Variants in CEMIP2 observed in about 807,000 individuals in gnomAD.
CEMIP2 encodes the protein cell surface hyaluronidase CEMIP2.
A neutral mutation model predicts 146.9 loss-of-function variants in CEMIP2; 79 were observed. The ratio of observed to expected loss-of-function variants is 0.54; its 90% CI spans 0.45 to 0.65. CEMIP2 has a LOEUF of 0.65. CEMIP2 is among the 30% of genes least tolerant of loss of function. The pLI, the probability that CEMIP2 is intolerant of heterozygous loss-of-function variation, is 0.00. For synonymous variants in CEMIP2, 601 were observed against 606.3 expected, an observed-to-expected ratio of 0.99 and a Z score of 0.13; for missense variants, 1,596 against 1,696.2, an observed-to-expected ratio of 0.94 and a Z score of 1.04.
Position 71,731,398 on chromosome 9 carries a change from C to T in CEMIP2, c.1564-484G>A, listed in dbSNP as rs867966708. On this transcript the variant is annotated intron_variant, in intron 7 of 23. Transcript: ENST00000377044. The stretch of plus-strand genomic sequence containing the variant: ...TATATTTAAACACTAGATTTTCAAT[C>T]GTATTACTAACAACAAGGGAATAGT... 2.4e-4 allele frequency among the ~76,000 whole-genome samples: 36 copies of T among 152,276 alleles called. 1 individual carries two copies. The Middle Eastern group carries it at 0.014, about 58-fold the overall frequency.
intron 1 of CEMIP2, among the ~76,000 whole-genome samples, chr9:71,758,954 T>C (rs1481426549): frequency 6.6e-6 from 1 of 152,142 alleles, no homozygotes; most frequent in Non-Finnish European, 1.5e-5. Context: ...TCAGTATGAG[T>C]CACAATCACC....
intron 10 of CEMIP2, among the ~76,000 whole-genome samples, chr9:71,728,050 G>C (rs1464991225): frequency 6.6e-6 from 1 of 151,054 alleles, no homozygotes; most frequent in Non-Finnish European, 1.5e-5. Context: ...GACAGAGCGA[G>C]ACTTCACCTC....
chr9:71,732,288 G>A (rs551760193), intron 7 of CEMIP2, 63 bp downstream of exon 7: 2 of 1,476,016 alleles, frequency 1.4e-6, no homozygotes, highest in Admixed American at 2.4e-5. Flanking sequence ...AAACTTGACA[G>A]TTTCTTCAAA....
intron 1 of CEMIP2, among the ~76,000 whole-genome samples, chr9:71,764,950 A>G (rs1249877753): frequency 6.7e-6 from 1 of 149,312 alleles, no homozygotes; most frequent in Non-Finnish European, 1.5e-5. Flanking sequence ...CATATTCATC[A>G]TATTGAGAGA....
rs1416668894 is a variant in CEMIP2 at position 71,691,446 on chromosome 9, G to A, written c.3697-1200C>T. On this transcript the variant is annotated intron_variant, in intron 21 of 23. Transcript: ENST00000377044. ...AAAAAAAAAATAAATAAATAAAAAA[G>A]CCCTTTAGCTAATTGCACCAATCCA... Among the ~76,000 whole-genome samples the A allele has an allele frequency of 1.9e-3, 245 of 127,112 alleles. 11 individuals carry two copies. The highest frequency in any genetic ancestry group is 4.2e-3 in the East Asian group (16 of 3,780). The allele number at this position is 127,112 out of a possible 152,430, so 83.4% of individuals were successfully genotyped here. A position where few individuals can be genotyped will look rare whatever the true frequency, so the allele number is the denominator to read the frequency against.
In CEMIP2 at chr9:71,712,227, A is replaced by G. The variant is rs773066921; in HGVS notation, c.2625T>C (p.Asp875=). ...TFPIRGFQIY[D]GPIHLTRSTF... ...TGCTCCTTGTGAGATGAATGGGCCC[A>G]TCATAAATCTGAAAGCCTCTAATTG... The change falls in exon 16 of 24, where the codon GAT becomes GAC. Residue 875 remains aspartate (D), a synonymous_variant. Transcript: ENST00000377044. The G allele has an allele frequency of 6.2e-7, 1 of 1,614,208 alleles. No individual in the cohort carries two copies. The highest frequency in any genetic ancestry group is 1.1e-5 in the South Asian group (1 of 91,080).
chr9:71,728,300 TAC>T (rs1288326038), intron 10 of CEMIP2, among the ~76,000 whole-genome samples: 5,251 of 37,390 alleles, frequency 0.14, 1,693 homozygotes, highest in Admixed American at 0.18. Flanking sequence ...TATATATATA[TAC>T]ATATATATAT....
intron 1 of CEMIP2, among the ~76,000 whole-genome samples, chr9:71,759,950 TGCG>T: frequency 6.6e-6 from 1 of 151,772 alleles, no homozygotes; most frequent in Admixed American, 6.6e-5. Flanking sequence ...AGCCATATAT[TGCG>T]GTGAAGTATT....
chr9:71,683,995 C>T lies in CEMIP2; in HGVS notation c.*1202G>A, dbSNP rs1006924368. Reference sequence around the variant, plus strand: ...CTGTGGAGCCAGTTGCCTCTTGCCGCATGTGATTCACCAGCAGGAGACGCA... The same window carrying T: ...CTGTGGAGCCAGTTGCCTCTTGCCGTATGTGATTCACCAGCAGGAGACGCA... On this transcript the variant is annotated 3_prime_UTR_variant, in exon 24 of 24. Coordinates refer to ENST00000377044, the MANE Select transcript of CEMIP2 (RefSeq NM_013390.3). The T allele has an allele frequency of 1.3e-5, 2 of 152,190 alleles. No homozygotes were observed. The highest frequency in any genetic ancestry group is 2.4e-5 in the African/African-American group (1 of 41,430). The allele number at this position is 152,190 out of a possible 1,614,324, so 9.4% of individuals were successfully genotyped here.
At chr9:71,765,410 G>T (rs1260025534) in intron 1 of CEMIP2, among the ~76,000 whole-genome samples, 1 of 152,072 alleles carries the variant, frequency 6.6e-6, no homozygotes, top group Non-Finnish European at 1.5e-5. Context: ...TTCCCATAAA[G>T]CATTTTAAAA....
intron 8 of CEMIP2, among the ~76,000 whole-genome samples, 181 bp from the exon 9 acceptor site, chr9:71,730,434 C>T (rs977366581): frequency 6.6e-6 from 1 of 151,098 alleles, no homozygotes; most frequent in African/African-American, 2.4e-5. Context: ...TGCTTGGGTC[C>T]CACAGGGGAA....
chr9:71,704,254 T>C (rs1228186165), intron 18 of CEMIP2, among the ~76,000 whole-genome samples: 1 of 152,160 alleles, frequency 6.6e-6, no homozygotes, highest in African/African-American at 2.4e-5. Context: ...ATCTTTTAAT[T>C]TTTCAGGTAA....
intron 6 of CEMIP2, among the ~76,000 whole-genome samples, 164 bp from the exon 7 acceptor site, chr9:71,732,684 GAATTTTTTTTTTTTTT>G: frequency 7.5e-6 from 1 of 133,080 alleles, no homozygotes; most frequent in Non-Finnish European, 1.5e-5. Flanking sequence ...AGGACACGGG[GAATTTTTTTTTTTTTT>G]TTTTTTTTTT....
At position 71,746,208 on chromosome 9, in the gene CEMIP2, C is replaced by T; in HGVS notation, c.465G>A (p.Gln155=). ...GCAGGAACCATTACCTACCTCCATC[C>T]TGAATGACTATAGAATGCACGGTGG... ...SDATVHSIVI[Q]DGGLLVFGDN... Residue 155 remains glutamine (Q), a synonymous_variant, in exon 3 of 24, where the codon CAG becomes CAA. Transcript: ENST00000377044. The T allele has an allele frequency of 1.2e-6, 2 of 1,613,492 alleles. No individual in the cohort carries two copies. Among genetic ancestry groups the T allele is most frequent in the Non-Finnish European group, 1.7e-6 (2 of 1,179,640 alleles).
intron 18 of CEMIP2, among the ~76,000 whole-genome samples, chr9:71,701,111 T>C (rs904810606): frequency 2.6e-5 from 4 of 152,206 alleles, no homozygotes; most frequent in Non-Finnish European, 5.9e-5. Context: ...GTTTTTTTGT[T>C]GTTGTTGTTT....
chr9:71,765,859 T>C (rs1824774463), intron 1 of CEMIP2, among the ~76,000 whole-genome samples: 1 of 152,098 alleles, frequency 6.6e-6, no homozygotes, highest in Non-Finnish European at 1.5e-5. Context: ...CCAACATGAA[T>C]GCTCCACAAA....
intron 17 of CEMIP2, among the ~76,000 whole-genome samples, chr9:71,706,190 T>C (rs750921391): frequency 6.6e-5 from 10 of 150,556 alleles, no homozygotes; most frequent in Non-Finnish European, 1.3e-4. Context: ...GATAGCACTA[T>C]TGCACTCCAG....
intron 22 of CEMIP2, 87 bp downstream of exon 22, chr9:71,690,005 A>T (rs1822178210): frequency 4.6e-6 from 7 of 1,516,864 alleles, no homozygotes; most frequent in African/African-American, 1.4e-5. Flanking sequence ...AGAGAGTAAA[A>T]AATCGGACTT....
chr9:71,694,559 G>A lies in CEMIP2; in HGVS notation c.3646C>T (p.Gln1216Ter), dbSNP rs1822338388. 6.2e-7 allele frequency: 1 copy of A among 1,613,818 alleles called. No homozygotes were observed. The highest frequency in any genetic ancestry group is 1.1e-5 in the South Asian group (1 of 91,080). Reference protein sequence around the residue: ...PHKSYLPVQFQSPDKAETQRG... With the variant: ...PHKSYLPVQF Reference sequence around the variant, plus strand: ...TGGGTTTCTGCTTTATCAGGTGACTGGAATTGCACAGGGAGGTAACTTTTA... The same window carrying A: ...TGGGTTTCTGCTTTATCAGGTGACTAGAATTGCACAGGGAGGTAACTTTTA... The change falls in exon 21 of 24, where the codon CAG becomes TAG. Residue 1216 changes from glutamine to a stop codon, truncating the protein, a stop_gained. Transcript: ENST00000377044. LOFTEE classifies it high-confidence loss of function.
Sources: gnomAD v4.1 joint callset for allele counts (sites outside exome capture counted in the v4.1 genomes callset) on GRCh38, gnomAD v4.1.1 for gene constraint, MANE v1.5 for transcripts, NCBI Gene and HGNC (gene_info 2026-07-23, HGNC 2026-07-21) for gene names.